Variants in RABGAP1L observed in about 807,000 individuals in gnomAD.
The protein encoded by RABGAP1L is RAB GTPase activating protein 1 like, also known as rab GTPase-activating protein 1-like.
RABGAP1L carries 63 observed loss-of-function variants against 137.7 expected under a neutral mutation model. The observed-to-expected ratio is 0.46, with a 90% confidence interval of 0.37 to 0.56. The LOEUF (loss-of-function observed/expected upper bound fraction) is 0.56, where lower values mean the gene tolerates loss of function less well. RABGAP1L is among the 20% of genes least tolerant of loss of function. The probability of loss-of-function intolerance (pLI) is 0.00; values close to 1 mark genes in which losing one functional copy is unlikely to be tolerated. For missense variants in RABGAP1L, 1,095 were observed against 1,244.0 expected, an observed-to-expected ratio of 0.88 and a Z score of 1.80; for synonymous variants, 431 against 433.7, an observed-to-expected ratio of 0.99 and a Z score of 0.08.
chr1:174,911,506 A>C (rs150273266), intron 19 of RABGAP1L, among the ~76,000 whole-genome samples: 1 of 152,352 alleles, frequency 6.6e-6, no homozygotes, highest in East Asian at 1.9e-4. Flanking sequence ...AAACTTATAA[A>C]ATCTGAGAAT....
intron 13 of RABGAP1L, among the ~76,000 whole-genome samples, chr1:174,406,349 A>C (rs975995518): frequency 1.3e-5 from 2 of 152,116 alleles, no homozygotes; most frequent in African/African-American, 4.8e-5. Context: ...TATCCTTCAA[A>C]TGTGTTTAAT....
In RABGAP1L at chr1:174,991,359, T is replaced by A. The variant is rs1242141445; in HGVS notation, c.*1358T>A. 6 of 152,242 alleles carry A rather than the reference T, an allele frequency of 3.9e-5. No homozygotes were observed. Among genetic ancestry groups the A allele is most frequent in the African/African-American group, 7.2e-5 (3 of 41,468 alleles). The allele number at this position is 152,242 out of a possible 1,614,324, so 9.4% of individuals were successfully genotyped here. A position where few individuals can be genotyped will look rare whatever the true frequency, so the allele number is the denominator to read the frequency against. ...TGTTGATATTAATCATTGGCCTCATTGTTGAACATATTATTTGCAAAGAAT... is the reference window on the plus strand; with the variant it reads ...TGTTGATATTAATCATTGGCCTCATAGTTGAACATATTATTTGCAAAGAAT... On this transcript the variant is annotated 3_prime_UTR_variant, in exon 26 of 26. Coordinates refer to ENST00000681986, the MANE Select transcript of RABGAP1L (RefSeq NM_001366446.1).
At chr1:174,745,551 A>C (rs1683803231) in intron 17 of RABGAP1L, among the ~76,000 whole-genome samples, 1 of 152,152 alleles carries the variant, frequency 6.6e-6, no homozygotes, top group Admixed American at 6.5e-5. Context: ...AGTCTGATAG[A>C]CCTGAGTTAT....
At chr1:174,799,161 GT>G (rs1688506868) in intron 18 of RABGAP1L, among the ~76,000 whole-genome samples, 1 of 152,138 alleles carries the variant, frequency 6.6e-6, no homozygotes, top group Non-Finnish European at 1.5e-5. Flanking sequence ...CTTAATACGT[GT>G]TAGGTTTTTA....
rs199921822 is a variant in RABGAP1L, at chr1:174,221,090, A to G, written c.257A>G (p.His86Arg). Residue 86 changes from histidine (H) to arginine (R), a missense_variant, in exon 3 of 26, where the codon CAT becomes CGT. Physicochemically the swap from His to Arg is conservative, Grantham distance 29. Transcript: ENST00000681986. ...DCQSSSEISD[H>R]SFGDIPASQT... ...CAAAGTTCCAGTGAGATTTCAGACC[A>G]TTCGTTTGGAGATATTCCAGCCAGC... 6.8e-6 allele frequency: 11 copies of G among 1,613,954 alleles called. No homozygotes were observed. In the South Asian group the frequency reaches 9.9e-5, roughly 15 times the overall value.
At chr1:174,436,970 G>A (rs1440471578) in intron 13 of RABGAP1L, among the ~76,000 whole-genome samples, 2 of 152,258 alleles carry the variant, frequency 1.3e-5, no homozygotes, top group Non-Finnish European at 2.9e-5. Flanking sequence ...GTCTGGAGTG[G>A]ACCTCCAGGA....
chr1:174,241,578 A>C lies in RABGAP1L; in HGVS notation c.638A>C (p.Asn213Thr). Reference sequence around the variant, plus strand: ...GGACATGACGGAACAACAGAGAGCAATTGCTTTGCATTTACAGAGAGTTCC... The same window carrying C: ...GGACATGACGGAACAACAGAGAGCACTTGCTTTGCATTTACAGAGAGTTCC... ...ARGHDGTTES[N>T]CFAFTESSHG... The change falls in exon 5 of 26, where the codon AAT (asparagine) becomes ACT (threonine). Residue 213 changes from asparagine to threonine, a missense_variant. Around this residue, in one of 4 missense-constraint regions of RABGAP1L, gnomAD observed 356 missense variants for 326.3 expected, o/e 1.09. Transcript: ENST00000681986. 6.2e-7 allele frequency: 1 copy of C among 1,613,874 alleles called. No homozygotes were observed. Among genetic ancestry groups the C allele is most frequent in the Non-Finnish European group, 8.5e-7 (1 of 1,179,798 alleles).
At chr1:174,872,563 ATTTT>A (rs11321142) in intron 19 of RABGAP1L, among the ~76,000 whole-genome samples, 5 of 143,990 alleles carry the variant, frequency 3.5e-5, no homozygotes, top group African/African-American at 1.3e-4. Context: ...TTATAGTTCT[ATTTT>A]TTTTTTTTTT....
chr1:174,223,754 G>C (rs1479707579), intron 3 of RABGAP1L, among the ~76,000 whole-genome samples: 1 of 152,048 alleles, frequency 6.6e-6, no homozygotes, highest in Non-Finnish European at 1.5e-5. Context: ...AATGTATCTG[G>C]ACAAGTAGAG....
chr1:174,689,292 T>C (rs1316498005), intron 15 of RABGAP1L, among the ~76,000 whole-genome samples: 1 of 151,826 alleles, frequency 6.6e-6, no homozygotes. Context: ...GAGTCCAAGG[T>C]GACAAGATAA....
intron 13 of RABGAP1L, among the ~76,000 whole-genome samples, chr1:174,535,429 A>T (rs1664817879): frequency 6.6e-6 from 1 of 152,192 alleles, no homozygotes; most frequent in African/African-American, 2.4e-5. Flanking sequence ...GCAAGCAAAG[A>T]TGCCCAATTA....
chr1:174,340,058 T>C (rs991128145), intron 11 of RABGAP1L, among the ~76,000 whole-genome samples: 2 of 152,224 alleles, frequency 1.3e-5, no homozygotes, highest in African/African-American at 4.8e-5. Context: ...AGGTTTAGTT[T>C]TTCTTGGTGA....
intron 13 of RABGAP1L, among the ~76,000 whole-genome samples, chr1:174,469,511 T>C (rs1300089148): frequency 6.6e-6 from 1 of 152,206 alleles, no homozygotes; most frequent in Non-Finnish European, 1.5e-5. Flanking sequence ...AATGTGAGTC[T>C]CTGAATTTGT....
rs535044506 is a variant in RABGAP1L, at chr1:174,639,899, G to C, written c.1824+2411G>C. ...TCCCAGAGCTCATGTGGCCATTTTA[G>C]ATTATCAGTATACATTTTACAACAT... On this transcript the variant is annotated intron_variant, in intron 14 of 25. Transcript: ENST00000681986. 6.6e-5 allele frequency among the ~76,000 whole-genome samples: 10 copies of C among 152,152 alleles called. No individual in the cohort carries two copies. The South Asian group carries it at 2.1e-3, about 32-fold the overall frequency.
intron 4 of RABGAP1L, among the ~76,000 whole-genome samples, chr1:174,238,004 A>G (rs1291281139): frequency 0.014 from 2,181 of 150,736 alleles, 56 homozygotes; most frequent in African/African-American, 0.046. Flanking sequence ...TTCCCTTCTC[A>G]CTTCATTTCA....
At position 174,238,921 on chromosome 1, in the gene RABGAP1L, T is replaced by C. The variant is rs868052363; in HGVS notation, c.543-2562T>C. On this transcript the variant is annotated intron_variant, in intron 4 of 25. Transcript: ENST00000681986. The stretch of plus-strand genomic sequence containing the variant: ...ACTGCTGTGCTAGCAATCAGCGAGA[T>C]TCCGTTGGCGTAGGACCCTCCAAGC... The C allele has an allele frequency of 2.4e-4, 40 of 165,096 alleles. No individual in the cohort carries two copies. In the Middle Eastern group the frequency reaches 8.0e-3, roughly 33 times the overall value. The allele number at this position is 165,096 out of a possible 1,614,324, so 10.2% of individuals were successfully genotyped here.
At chr1:174,797,753 G>A (rs924083331) in intron 18 of RABGAP1L, among the ~76,000 whole-genome samples, 3 of 151,342 alleles carry the variant, frequency 2.0e-5, no homozygotes, top group African/African-American at 7.3e-5. Context: ...GTGTGTTTAG[G>A]GATACAGTAT....
chr1:174,431,842 T>G (rs2149199055), intron 13 of RABGAP1L, among the ~76,000 whole-genome samples: 1 of 152,326 alleles, frequency 6.6e-6, no homozygotes, highest in African/African-American at 2.4e-5. Context: ...GAATTCTTGG[T>G]TTAAGAAGAC....
intron 7 of RABGAP1L, among the ~76,000 whole-genome samples, chr1:174,265,193 C>A (rs938083567): frequency 2.6e-5 from 4 of 152,052 alleles, no homozygotes; most frequent in African/African-American, 9.7e-5. Context: ...TAAATTAGCA[C>A]CCGTTTATTT....
Sources: allele counts gnomAD v4.1 joint callset (sites outside exome capture counted in the v4.1 genomes callset), GRCh38; gene constraint gnomAD v4.1.1; regional missense constraint gnomAD v4.1.1; transcripts MANE v1.5; gene names NCBI Gene and HGNC (gene_info 2026-07-23, HGNC 2026-07-21).